XPR1: variants seen among roughly 807,000 people sequenced by gnomAD.
The protein encoded by XPR1 is solute carrier family 53 member 1.
In XPR1, 28 loss-of-function variants were observed where a neutral mutation model predicts 87.5. That is an observed-to-expected ratio of 0.32 (90% CI 0.24 to 0.44). The LOEUF is 0.44. Among genes scored for constraint, XPR1 ranks in the 20% least tolerant of loss-of-function variants. The probability of loss-of-function intolerance (pLI) is 1.00; values close to 1 mark genes in which losing one functional copy is unlikely to be tolerated. For missense variants in XPR1, 559 were observed against 862.3 expected (o/e 0.65, Z 4.41); for synonymous variants, 300 against 306.1 (o/e 0.98, Z 0.21).
intron 1 of XPR1, among the ~76,000 whole-genome samples, chr1:180,671,872 G>T (rs1656189968): frequency 6.6e-6 from 1 of 152,186 alleles, no homozygotes; most frequent in South Asian, 2.1e-4. Flanking sequence ...ACAGGTGTGA[G>T]CCACCGCGTC....
In XPR1 at chr1:180,724,665, G is replaced by A. The variant is rs138096917; in HGVS notation, c.121+42254G>A. On this transcript the variant is annotated intron_variant, in intron 2 of 14. Coordinates refer to ENST00000367590, the MANE Select transcript of XPR1 (RefSeq NM_004736.4). ...TAAATATATATGGTTTCTTTTCCAC[G>A]TGTTGCCACTCATTGAAGCACAACA... Among the ~76,000 whole-genome samples the A allele has an allele frequency of 5.7e-4, 86 of 152,110 alleles. 1 individual carries two copies. The Middle Eastern group carries it at 0.02, about 36-fold the overall frequency.
chr1:180,749,494 A>G (rs756477057), intron 2 of XPR1, among the ~76,000 whole-genome samples: 13 of 152,160 alleles, frequency 8.5e-5, no homozygotes, highest in Non-Finnish European at 1.6e-4. Flanking sequence ...TTGATTTCTT[A>G]TGAGTTTTCC....
chr1:180,693,775 A>G (rs959069202), intron 2 of XPR1, among the ~76,000 whole-genome samples: 1 of 152,162 alleles, frequency 6.6e-6, no homozygotes, highest in Non-Finnish European at 1.5e-5. Context: ...GACATTTGTC[A>G]TTGGATTTAA....
chr1:180,803,869 C>T (rs1291534886), intron 4 of XPR1, among the ~76,000 whole-genome samples: 1 of 152,154 alleles, frequency 6.6e-6, no homozygotes, highest in Non-Finnish European at 1.5e-5. Context: ...GTCCACAACT[C>T]AAGGACTAAC....
intron 2 of XPR1, among the ~76,000 whole-genome samples, chr1:180,708,516 A>T (rs1321488464): frequency 3.3e-5 from 5 of 152,162 alleles, no homozygotes; most frequent in Admixed American, 6.5e-5. Context: ...GACAAATTTT[A>T]TCAGTAAATT....
At chr1:180,855,268 A>G (rs543299595) in intron 11 of XPR1, among the ~76,000 whole-genome samples, 12 of 152,362 alleles carry the variant, frequency 7.9e-5, no homozygotes, top group African/African-American at 2.9e-4. Flanking sequence ...TTTTGTGAAA[A>G]GAATGTCATA....
At position 180,632,097 on chromosome 1, in the gene XPR1, AGCGCC is replaced by A. The variant is rs902772481; in HGVS notation, c.-93_-89del. 2.0e-5 allele frequency: 28 copies of A among 1,380,782 alleles called. No homozygotes were observed. The highest frequency in any genetic ancestry group is 7.9e-5 in the Admixed American group (4 of 50,764). The allele number at this position is 1,380,782 out of a possible 1,614,324, so 85.5% of individuals were successfully genotyped here. On this transcript the variant is annotated 5_prime_UTR_variant, in exon 1 of 15. Coordinates refer to ENST00000367590, the MANE Select transcript of XPR1 (RefSeq NM_004736.4). Reference sequence around the variant, plus strand: ...CGGCGGCGGAGGAGGAGAGAAGCGCAGCGCCGCGCCGCGCCGGGGCCCATGTGGGG... The same window carrying A: ...CGGCGGCGGAGGAGGAGAGAAGCGCAGCGCCGCGCCGGGGCCCATGTGGGG...
chr1:180,796,338 T>C (rs1026254396), intron 3 of XPR1, among the ~76,000 whole-genome samples: 10 of 152,286 alleles, frequency 6.6e-5, no homozygotes, highest in East Asian at 3.9e-4. Flanking sequence ...TTGATAGATA[T>C]GAAAATCTCA....
intron 12 of XPR1, among the ~76,000 whole-genome samples, chr1:180,866,243 A>C (rs1201412080): frequency 6.6e-6 from 1 of 152,038 alleles, no homozygotes; most frequent in Non-Finnish European, 1.5e-5. Context: ...AAACTAAAAC[A>C]AAAGGCAGAT....
intron 2 of XPR1, among the ~76,000 whole-genome samples, chr1:180,724,751 A>G (rs991212774): frequency 6.6e-6 from 1 of 152,212 alleles, no homozygotes; most frequent in African/African-American, 2.4e-5. Context: ...AGCAAGAAAG[A>G]TGCCTTCAGT....
At chr1:180,782,389 G>T (rs1029876582) in intron 2 of XPR1, among the ~76,000 whole-genome samples, 1 of 151,920 alleles carries the variant, frequency 6.6e-6, no homozygotes, top group African/African-American at 2.4e-5. Flanking sequence ...TATTTCTGGA[G>T]GCTTGAAAGT....
intron 1 of XPR1, among the ~76,000 whole-genome samples, chr1:180,636,289 A>T (rs2101890830): frequency 6.6e-6 from 1 of 152,320 alleles, no homozygotes; most frequent in South Asian, 2.1e-4. Flanking sequence ...TGGCCACCCG[A>T]TGGGGCACAA....
intron 7 of XPR1, among the ~76,000 whole-genome samples, chr1:180,814,319 A>G (rs1398949904): frequency 6.6e-6 from 1 of 152,164 alleles, no homozygotes; most frequent in Non-Finnish European, 1.5e-5. Context: ...ATAATTTATA[A>G]TCATATTTTA....
At chr1:180,731,843 G>A (rs1235875994) in intron 2 of XPR1, among the ~76,000 whole-genome samples, 1 of 152,172 alleles carries the variant, frequency 6.6e-6, no homozygotes, top group East Asian at 1.9e-4. Flanking sequence ...GCTAGTGGCT[G>A]TTGTATTGGA....
chr1:180,806,729 T>C (rs758654599), intron 6 of XPR1, among the ~76,000 whole-genome samples, 172 bp downstream of exon 6: 1 of 151,746 alleles, frequency 6.6e-6, no homozygotes, highest in Admixed American at 6.6e-5. Context: ...TCATTCTGAA[T>C]TATAATGTCT....
chr1:180,685,155 G>A (rs574902283), intron 2 of XPR1, among the ~76,000 whole-genome samples: 15 of 152,090 alleles, frequency 9.9e-5, no homozygotes, highest in Admixed American at 3.3e-4. Context: ...TTTGAGATAC[G>A]TCCCATCAAT....
chr1:180,698,008 G>A (rs546102486), intron 2 of XPR1, among the ~76,000 whole-genome samples: 2 of 152,004 alleles, frequency 1.3e-5, no homozygotes, highest in African/African-American at 2.4e-5. Context: ...ATTTTCTGTC[G>A]AGATGATTGA....
At chr1:180,806,376 A>T (rs1649992482) in intron 5 of XPR1, 98 bp from the exon 6 acceptor site, 2 of 1,475,592 alleles carry the variant, frequency 1.4e-6, no homozygotes, top group African/African-American at 2.8e-5. Context: ...TTCACCAAAA[A>T]GTTGTCAGAA....
intron 1 of XPR1, among the ~76,000 whole-genome samples, 161 bp from the exon 2 acceptor site, chr1:180,682,199 T>C (rs1048744979): frequency 2.6e-5 from 4 of 152,326 alleles, no homozygotes; most frequent in Non-Finnish European, 2.9e-5. Context: ...TGTGAAGTTA[T>C]AATGTTTGGA....
Sources: allele counts gnomAD v4.1 joint callset (sites outside exome capture counted in the v4.1 genomes callset), GRCh38; gene constraint gnomAD v4.1.1; transcripts MANE v1.5; gene names NCBI Gene and HGNC (gene_info 2026-07-23, HGNC 2026-07-21).